Variants in ZNF385D observed in about 807,000 individuals in gnomAD.
ZNF385D encodes the protein zinc finger protein 385D.
ZNF385D carries 15 observed loss-of-function variants against 35.8 expected under a neutral mutation model. The ratio of observed to expected loss-of-function variants is 0.42; its 90% CI spans 0.28 to 0.64. The LOEUF (loss-of-function observed/expected upper bound fraction) is 0.64. Among genes scored for constraint, ZNF385D ranks in the 30% least tolerant of loss-of-function variants. The pLI is 0.23. For synonymous variants in ZNF385D, 212 were observed against 186.8 expected, an observed-to-expected ratio of 1.13 and a Z score of -1.10; for missense variants, 474 against 494.6, an observed-to-expected ratio of 0.96 and a Z score of 0.39.
chr3:21,969,158 G>C (rs902436854), intron 3 of ZNF385D, among the ~76,000 whole-genome samples: 3 of 152,192 alleles, frequency 2.0e-5, no homozygotes, highest in African/African-American at 7.2e-5. Flanking sequence ...AGAATGGTAA[G>C]AACTTTTTTG....
At chr3:22,273,934 G>A (rs2125366766) in intron 2 of ZNF385D, among the ~76,000 whole-genome samples, 1 of 152,120 alleles carries the variant, frequency 6.6e-6, no homozygotes, top group African/African-American at 2.4e-5. Flanking sequence ...AGAAGGAGAG[G>A]TAGAGGAGAG....
chr3:22,173,343 C>T (rs1027424042), intron 2 of ZNF385D, among the ~76,000 whole-genome samples: 13 of 152,060 alleles, frequency 8.5e-5, no homozygotes, highest in South Asian at 4.2e-4. Context: ...ATTATTAGTT[C>T]GTTAGTTGTA....
chr3:22,335,640 A>AACAC (rs1225478042), intron 2 of ZNF385D, among the ~76,000 whole-genome samples: 8 of 152,158 alleles, frequency 5.3e-5, no homozygotes, highest in Non-Finnish European at 8.8e-5. Flanking sequence ...GTTCAACTAC[A>AACAC]GGTGTGTTCC....
At chr3:22,050,719 G>C (rs950616954) in intron 3 of ZNF385D, among the ~76,000 whole-genome samples, 6 of 152,156 alleles carry the variant, frequency 3.9e-5, no homozygotes, top group Non-Finnish European at 5.9e-5. Flanking sequence ...GATTTTATCT[G>C]ATTCTGAAAT....
At chr3:22,305,866 T>C (rs1235961402) in intron 2 of ZNF385D, among the ~76,000 whole-genome samples, 1 of 152,224 alleles carries the variant, frequency 6.6e-6, no homozygotes, top group African/African-American at 2.4e-5. Context: ...ACAATTGTTT[T>C]GTTTGGTCTT....
intron 3 of ZNF385D, among the ~76,000 whole-genome samples, chr3:21,846,782 C>G (rs1038745191): frequency 2.0e-5 from 3 of 151,908 alleles, no homozygotes; most frequent in African/African-American, 7.2e-5. Context: ...ATGGTGCGCC[C>G]AGGAGAAGCA....
intron 2 of ZNF385D, among the ~76,000 whole-genome samples, chr3:22,244,176 A>G (rs1010475814): frequency 2.0e-5 from 3 of 150,480 alleles, no homozygotes; most frequent in African/African-American, 4.9e-5. Context: ...GGGGATTTAA[A>G]AAAAGCCATT....
At chr3:22,014,011 C>A (rs529811902) in intron 3 of ZNF385D, among the ~76,000 whole-genome samples, 7 of 152,122 alleles carry the variant, frequency 4.6e-5, no homozygotes, top group African/African-American at 1.2e-4. Context: ...GGACAGATTG[C>A]AAAAACAAGA....
At chr3:22,261,750 C>G (rs1361136975) in intron 2 of ZNF385D, among the ~76,000 whole-genome samples, 1 of 151,932 alleles carries the variant, frequency 6.6e-6, no homozygotes, top group African/African-American at 2.4e-5. Flanking sequence ...TTCCTCTAAC[C>G]AAAGGCCACA....
At chr3:21,653,769 C>T (rs956555738) in intron 2 of ZNF385D, among the ~76,000 whole-genome samples, 11 of 151,028 alleles carry the variant, frequency 7.3e-5, no homozygotes, top group South Asian at 2.1e-4. Context: ...TAGAACTATC[C>T]GGAAAAAAAA....
At chr3:21,706,883 C>A (rs2067924705) in intron 1 of ZNF385D, among the ~76,000 whole-genome samples, 1 of 152,094 alleles carries the variant, frequency 6.6e-6, no homozygotes, top group Non-Finnish European at 1.5e-5. Flanking sequence ...ATTCTAATCA[C>A]AGAGACAAAT....
intron 2 of ZNF385D, among the ~76,000 whole-genome samples, chr3:22,317,944 C>A (rs1038510018): frequency 2.6e-5 from 4 of 151,832 alleles, no homozygotes; most frequent in African/African-American, 4.8e-5. Context: ...ACCTGTAATC[C>A]AGTTACTGGG....
chr3:21,479,301 T>C (rs899154206), intron 4 of ZNF385D, among the ~76,000 whole-genome samples: 3 of 151,764 alleles, frequency 2.0e-5, no homozygotes, highest in Admixed American at 6.6e-5. Context: ...TTTGTGGAAA[T>C]TTTTCTTCTC....
chr3:21,798,262 C>A lies in ZNF385D; in HGVS notation c.326-133234G>T, dbSNP rs537405732. ...TGACACAGGTTGTCTGGTTCTTCGG[C>A]GCATGGCCTCACTCGGCTGAAATCA... is the stretch of plus-strand genomic sequence containing the variant. On this transcript the variant is annotated intron_variant, in intron 3 of 5. Coordinates refer to the ZNF385D transcript ENST00000494108. 2.0e-5 allele frequency among the ~76,000 whole-genome samples: 3 copies of A among 152,302 alleles called. No homozygotes were observed. In the East Asian group the frequency reaches 5.8e-4, roughly 29 times the overall value.
At chr3:22,030,721 C>T (rs558742230) in intron 3 of ZNF385D, among the ~76,000 whole-genome samples, 1 of 152,228 alleles carries the variant, frequency 6.6e-6, no homozygotes, top group Non-Finnish European at 1.5e-5. Context: ...AATCTCATGT[C>T]TTTTTCACAT....
chr3:22,079,983 A>G (rs1470549328), intron 3 of ZNF385D, among the ~76,000 whole-genome samples: 1 of 152,046 alleles, frequency 6.6e-6, no homozygotes, highest in Admixed American at 6.6e-5. Context: ...CAGAGCAGTT[A>G]TTTTAAATAT....
chr3:21,581,842 A>G (rs2063675883), intron 2 of ZNF385D, among the ~76,000 whole-genome samples: 1 of 152,206 alleles, frequency 6.6e-6, no homozygotes, highest in African/African-American at 2.4e-5. Flanking sequence ...AGCTTGTTAA[A>G]GGTACAGAGC....
At chr3:21,728,865 T>C (rs2068876307) in intron 1 of ZNF385D, among the ~76,000 whole-genome samples, 1 of 152,234 alleles carries the variant, frequency 6.6e-6, no homozygotes, top group Non-Finnish European at 1.5e-5. Flanking sequence ...GTATTGATTA[T>C]ATTTTTTGTA....
chr3:22,371,908 T>A (rs1298531951), intron 2 of ZNF385D, among the ~76,000 whole-genome samples: 1 of 152,094 alleles, frequency 6.6e-6, no homozygotes, highest in African/African-American at 2.4e-5. Flanking sequence ...ATCTCAGGTT[T>A]TTTTAAGTAT....
Sources: gnomAD v4.1 joint callset for allele counts (sites outside exome capture counted in the v4.1 genomes callset) on GRCh38, gnomAD v4.1.1 for gene constraint, MANE v1.5 for transcripts, NCBI Gene and HGNC (gene_info 2026-07-23, HGNC 2026-07-21) for gene names.